PAQR5: variants seen among roughly 807,000 people sequenced by gnomAD.
The protein encoded by PAQR5 is progestin and adipoQ receptor family member 5.
Under a neutral mutation model 34.5 loss-of-function variants are expected in PAQR5, and 20 were observed. The ratio of observed to expected loss-of-function variants is 0.58; its 90% CI spans 0.41 to 0.84. The LOEUF is 0.84. Among genes scored for constraint, PAQR5 ranks in the 40% least tolerant of loss-of-function variants. The pLI is 0.00. For missense variants in PAQR5, 378 were observed against 412.7 expected, an observed-to-expected ratio of 0.92 and a Z score of 0.73; for synonymous variants, 131 against 155.6, an observed-to-expected ratio of 0.84 and a Z score of 1.18.
At chr15:69,329,444 CTAAATTTATTTTTTCTTTCTTTTTT>C (rs1452593556) in intron 1 of PAQR5, among the ~76,000 whole-genome samples, 1 of 145,986 alleles carries the variant, frequency 6.8e-6, no homozygotes, top group Non-Finnish European at 1.5e-5. Flanking sequence ...TATATTTTAC[CTAAATTTATTTTTTCTTTCTTTTTT>C]TTTTTTTTTT....
chr15:69,374,686 A>G (rs1169413716), intron 3 of PAQR5, among the ~76,000 whole-genome samples: 1 of 151,992 alleles, frequency 6.6e-6, no homozygotes, highest in African/African-American at 2.4e-5. Context: ...CAATAATAAT[A>G]ATGATAATTG....
At chr15:69,397,659 A>G (rs1043667162) in intron 7 of PAQR5, 95 bp downstream of exon 7, 6 of 845,918 alleles carry the variant, frequency 7.1e-6, no homozygotes, top group Non-Finnish European at 1.2e-5. Context: ...CTGCAATGGG[A>G]ACCGCAGAAC....
chr15:69,376,844 A>G (rs186215049), intron 3 of PAQR5, among the ~76,000 whole-genome samples: 334 of 152,194 alleles, frequency 2.2e-3, no homozygotes, highest in Non-Finnish European at 3.4e-3. Flanking sequence ...GCTTTTGACG[A>G]CGTCAGTCCC....
At chr15:69,378,273 A>AAAAAAAAAAG (rs2055769048) in intron 3 of PAQR5, among the ~76,000 whole-genome samples, 1 of 145,626 alleles carries the variant, frequency 6.9e-6, no homozygotes, top group African/African-American at 2.6e-5. Context: ...TTAAAAAAAA[A>AAAAAAAAAAG]AAAAAAAAAA....
chr15:69,300,900 C>T (rs1173211228), intron 1 of PAQR5, among the ~76,000 whole-genome samples: 8 of 18,646 alleles, frequency 4.3e-4, no homozygotes, highest in Non-Finnish European at 5.7e-4. Context: ...TTTCTTCCTT[C>T]CTTCCTTCCT....
chr15:69,404,073 T>C lies in PAQR5; in HGVS notation c.*251T>C, dbSNP rs1426260113. The C allele has an allele frequency of 2.4e-6, 1 of 408,884 alleles. No homozygotes were observed. The highest frequency in any genetic ancestry group is 2.0e-5 in the African/African-American group (1 of 49,098). The allele number at this position is 408,884 out of a possible 1,614,324, so 25.3% of individuals were successfully genotyped here. A position where few individuals can be genotyped will look rare whatever the true frequency, so the allele number is the denominator to read the frequency against. The stretch of plus-strand genomic sequence containing the variant: ...CTTGTTAAGGCAAACTATTGATATT[T>C]CATTAATTTTAAATTTACTTAAAAT... On this transcript the variant is annotated 3_prime_UTR_variant, in exon 9 of 9. Transcript: ENST00000395407.
intron 3 of PAQR5, among the ~76,000 whole-genome samples, chr15:69,370,112 T>G (rs1302226821): frequency 6.6e-6 from 1 of 152,242 alleles, no homozygotes; most frequent in Non-Finnish European, 1.5e-5. Flanking sequence ...CGGCCAGAAC[T>G]GGAGTGCCCC....
chr15:69,367,907 G>A (rs1176983001), intron 3 of PAQR5, among the ~76,000 whole-genome samples: 7 of 152,150 alleles, frequency 4.6e-5, no homozygotes, highest in African/African-American at 9.7e-5. Context: ...ACCTTGATCT[G>A]TCATCAGTGG....
At chr15:69,313,894 G>T (rs766407720) in intron 1 of PAQR5, among the ~76,000 whole-genome samples, 87 of 151,938 alleles carry the variant, frequency 5.7e-4, no homozygotes, top group Non-Finnish European at 1.2e-3. Context: ...GGGGAGTCCT[G>T]GGGGGGCTGC....
At position 69,397,536 on chromosome 15, in the gene PAQR5, C is replaced by T. The variant is rs149124744; in HGVS notation, c.581C>T (p.Thr194Ile). The T allele has an allele frequency of 6.2e-7, 1 of 1,611,526 alleles. No individual in the cohort carries two copies. The highest frequency in any genetic ancestry group is 8.5e-7 in the Non-Finnish European group (1 of 1,177,664). The change falls in exon 7 of 9, where the codon ACC becomes ATC. Residue 194 changes from threonine to isoleucine, a missense_variant. Transcript: ENST00000395407. Reference protein sequence around the residue: ...IRVLAFAYPYTWDSLPIFYRL... With the variant: ...IRVLAFAYPYIWDSLPIFYRL... ...GTCCTCGCCTTTGCTTATCCGTACACCTGGGACTCCCTCCCCATCTTCTAC... is the reference window on the plus strand; with the variant it reads ...GTCCTCGCCTTTGCTTATCCGTACATCTGGGACTCCCTCCCCATCTTCTAC...
chr15:69,379,930 T>G lies in PAQR5; in HGVS notation c.99T>G (p.Ser33Arg), dbSNP rs766849913. 1 of 1,614,180 alleles carries G rather than the reference T, an allele frequency of 6.2e-7. No homozygotes were observed. Among genetic ancestry groups the G allele is most frequent in the Non-Finnish European group, 8.5e-7 (1 of 1,180,028 alleles). Residue 33 changes from serine to arginine, a missense_variant, in exon 4 of 9, where the codon AGT becomes AGG. Ser to Arg is a moderately radical substitution (Grantham distance 110). Coordinates refer to ENST00000395407, the MANE Select transcript of PAQR5 (RefSeq NM_017705.4). ...GILFGYRHPQ[S>R]SATACILSLF... ...TGTTCGGCTACCGCCATCCACAGAG[T>G]TCTGCCACTGCCTGCATCCTCAGCC...
intron 7 of PAQR5, 124 bp from the exon 8 acceptor site, chr15:69,399,850 T>C: frequency 1.1e-6 from 1 of 942,132 alleles, no homozygotes; most frequent in Non-Finnish European, 1.6e-6. Flanking sequence ...CTGGAGTTTG[T>C]GTATGTGTGC....
chr15:69,336,868 T>C (rs1018287297), intron 1 of PAQR5, among the ~76,000 whole-genome samples: 4 of 152,250 alleles, frequency 2.6e-5, no homozygotes, highest in South Asian at 2.1e-4. Flanking sequence ...TTATAATTGT[T>C]ATGTAAAATT....
At chr15:69,332,872 T>G (rs926886257) in intron 1 of PAQR5, among the ~76,000 whole-genome samples, 2 of 150,530 alleles carry the variant, frequency 1.3e-5, no homozygotes, top group Admixed American at 6.6e-5. Context: ...TAGCTAAAAC[T>G]TATTAATTTC....
At chr15:69,339,040 C>A (rs1015805823) in intron 2 of PAQR5, among the ~76,000 whole-genome samples, 3 of 152,126 alleles carry the variant, frequency 2.0e-5, no homozygotes, top group African/African-American at 7.2e-5. Context: ...CAGCAGGCAC[C>A]GCTCAGATCA....
At chr15:69,388,966 C>T (rs554694731) in intron 5 of PAQR5, among the ~76,000 whole-genome samples, 1 of 152,326 alleles carries the variant, frequency 6.6e-6, no homozygotes, top group African/African-American at 2.4e-5. Context: ...AGTGATCTCC[C>T]CTGCTCTTCC....
At chr15:69,394,181 A>C (rs540018550) in intron 6 of PAQR5, among the ~76,000 whole-genome samples, 1 of 146,164 alleles carries the variant, frequency 6.8e-6, no homozygotes, top group Non-Finnish European at 1.5e-5. Context: ...TGAGGGCGAG[A>C]GATTAATTTT....
intron 1 of PAQR5, among the ~76,000 whole-genome samples, chr15:69,306,098 A>G (rs2053710040): frequency 6.6e-6 from 1 of 152,128 alleles, no homozygotes; most frequent in Non-Finnish European, 1.5e-5. Context: ...CAGAGGGAAG[A>G]CATGGCTGTC....
chr15:69,318,397 C>G (rs1036047951), intron 1 of PAQR5, among the ~76,000 whole-genome samples: 12 of 152,222 alleles, frequency 7.9e-5, no homozygotes, highest in Non-Finnish European at 5.9e-5. Flanking sequence ...CAGGTGATCC[C>G]TCAGAGATGT....
Sources: gnomAD v4.1 joint callset for allele counts (sites outside exome capture counted in the v4.1 genomes callset) on GRCh38, gnomAD v4.1.1 for gene constraint, MANE v1.5 for transcripts, NCBI Gene and HGNC (gene_info 2026-07-23, HGNC 2026-07-21) for gene names.